RIT2: variants seen among roughly 807,000 people sequenced by gnomAD.
RIT2 encodes the protein Ras like without CAAX 2.
RIT2 carries 24 observed loss-of-function variants against 23.7 expected under a neutral mutation model. That is an observed-to-expected ratio of 1.01 (90% CI 0.73 to 1.43). RIT2 has a LOEUF of 1.43. Ranked by LOEUF, RIT2 falls within the 40% of genes most tolerant of loss-of-function variation. RIT2 has a pLI of 0.00. For synonymous variants in RIT2, 107 were observed against 91.1 expected, an observed-to-expected ratio of 1.17 and a Z score of -0.99; for missense variants, 236 against 266.9, an observed-to-expected ratio of 0.88 and a Z score of 0.81.
At chr18:42,915,941 T>C (rs1908898107) in intron 4 of RIT2, among the ~76,000 whole-genome samples, 1 of 151,908 alleles carries the variant, frequency 6.6e-6, no homozygotes, top group Non-Finnish European at 1.5e-5. Context: ...TATGTGTATA[T>C]ATATTTTTTT....
intron 1 of RIT2, among the ~76,000 whole-genome samples, chr18:43,088,675 A>G (rs557425031): frequency 2.0e-5 from 3 of 152,284 alleles, no homozygotes; most frequent in African/African-American, 7.2e-5. Context: ...TTTGATGAAC[A>G]TAGTGCATTT....
chr18:43,012,751 C>A (rs1911379956), intron 2 of RIT2, among the ~76,000 whole-genome samples: 1 of 151,142 alleles, frequency 6.6e-6, no homozygotes. Context: ...AAGTCTTGCA[C>A]ATATATTATC....
chr18:42,813,590 T>C (rs888592423), intron 4 of RIT2, among the ~76,000 whole-genome samples: 2 of 152,142 alleles, frequency 1.3e-5, no homozygotes, highest in Non-Finnish European at 2.9e-5. Context: ...TAGTCCCTCT[T>C]TAAAAAGATG....
In RIT2 at chr18:43,097,090, G is replaced by A. The variant is rs538496051; in HGVS notation, c.103+18327C>T. On this transcript the variant is annotated intron_variant, in intron 1 of 4. Coordinates refer to ENST00000326695, the MANE Select transcript of RIT2 (RefSeq NM_002930.4). ...CCTGAGCCCTTGCTATCATGAGAAA[G>A]AGAGAAAGCAGCATCATGTAGACTA... Among the ~76,000 whole-genome samples, 10 of 152,046 alleles carry A rather than the reference G, an allele frequency of 6.6e-5. No homozygotes were observed. In the South Asian group the frequency reaches 1.4e-3, roughly 22 times the overall value.
chr18:42,946,734 T>C (rs1909736236), intron 3 of RIT2, among the ~76,000 whole-genome samples: 1 of 151,934 alleles, frequency 6.6e-6, no homozygotes. Context: ...AATAATATCA[T>C]TTTTGCTACA....
In RIT2 at chr18:42,923,776, A is replaced by AAT. The variant is rs767463927; in HGVS notation, c.235-14_235-13insAT. On this transcript the variant is annotated splice_polypyrimidine_tract_variant and intron_variant, in intron 3 of 4. Coordinates refer to ENST00000326695, the MANE Select transcript of RIT2 (RefSeq NM_002930.4). Reference sequence around the variant, plus strand: ...CTGTGAATTCTGCCTGCAGGAAAAAAAAAAAAAAATTAGTTATGGGCTTTC... The same window carrying AAT: ...CTGTGAATTCTGCCTGCAGGAAAAAAATAAAAAAAAATTAGTTATGGGCTTTC... 1 of 1,581,570 alleles carries AAT rather than the reference A, an allele frequency of 6.3e-7. No homozygotes were observed. Among genetic ancestry groups the AAT allele is most frequent in the East Asian group, 2.2e-5 (1 of 44,616 alleles).
At chr18:43,098,983 C>T (rs1458811878) in intron 1 of RIT2, among the ~76,000 whole-genome samples, 1 of 151,958 alleles carries the variant, frequency 6.6e-6, no homozygotes, top group Non-Finnish European at 1.5e-5. Context: ...CCTAAGAAAA[C>T]CTCCATGCTG....
Position 42,746,763 on chromosome 18 carries a change from A to G in RIT2, c.427-3043T>C, listed in dbSNP as rs182853738. 4.6e-5 allele frequency among the ~76,000 whole-genome samples: 7 copies of G among 152,228 alleles called. No individual in the cohort carries two copies. In the East Asian group the frequency reaches 1.3e-3, roughly 29 times the overall value. On this transcript the variant is annotated intron_variant, in intron 4 of 4. Coordinates refer to ENST00000326695, the MANE Select transcript of RIT2 (RefSeq NM_002930.4). ...CCAGTATAACCCTAATACCAAATCC[A>G]GGAAAGGACATAACAAAAACAGAAT...
At chr18:43,043,678 T>A (rs1288745534) in intron 1 of RIT2, among the ~76,000 whole-genome samples, 1 of 152,054 alleles carries the variant, frequency 6.6e-6, no homozygotes, top group Non-Finnish European at 1.5e-5. Flanking sequence ...TAATCCCAGC[T>A]ACTCGGGAAG....
chr18:42,831,294 T>C (rs975466267), intron 4 of RIT2, among the ~76,000 whole-genome samples: 5 of 152,208 alleles, frequency 3.3e-5, no homozygotes, highest in Non-Finnish European at 7.4e-5. Context: ...CTCATAAAGA[T>C]AGTTTTATAT....
At chr18:42,854,949 A>G (rs984191728) in intron 4 of RIT2, among the ~76,000 whole-genome samples, 18 of 152,144 alleles carry the variant, frequency 1.2e-4, no homozygotes, top group African/African-American at 4.3e-4. Flanking sequence ...GATGCTAATA[A>G]CAGGCTATAA....
chr18:43,063,125 C>T (rs578041724), intron 1 of RIT2, among the ~76,000 whole-genome samples: 2 of 152,188 alleles, frequency 1.3e-5, no homozygotes, highest in African/African-American at 4.8e-5. Flanking sequence ...GGACTCATGC[C>T]TTTCTTTAAA....
At chr18:42,780,188 G>A (rs1913778750) in intron 4 of RIT2, among the ~76,000 whole-genome samples, 1 of 149,162 alleles carries the variant, frequency 6.7e-6, no homozygotes, top group South Asian at 2.1e-4. Flanking sequence ...AGAAGTTATA[G>A]TCAAAGACAT....
In RIT2 at chr18:42,832,873, C is replaced by T. The variant is rs534738551; in HGVS notation, c.427-89153G>A. Among the ~76,000 whole-genome samples, 21 of 151,554 alleles carry T rather than the reference C, an allele frequency of 1.4e-4. No individual in the cohort carries two copies. The South Asian group carries it at 2.7e-3, about 20-fold the overall frequency. ...TTCGAGACCAGCCTGGCCAACAAGG[C>T]GAAACCCCGTCTCTATTAAAAATAC... On this transcript the variant is annotated intron_variant, in intron 4 of 4. Coordinates refer to ENST00000326695, the MANE Select transcript of RIT2 (RefSeq NM_002930.4).
At chr18:42,817,815 T>A (rs531233083) in intron 4 of RIT2, among the ~76,000 whole-genome samples, 55 of 152,178 alleles carry the variant, frequency 3.6e-4, no homozygotes, top group African/African-American at 1.2e-3. Flanking sequence ...TTCAGAACTG[T>A]TGTTAAAATA....
At chr18:43,059,731 C>T (rs1598766018) in intron 1 of RIT2, among the ~76,000 whole-genome samples, 1 of 152,198 alleles carries the variant, frequency 6.6e-6, no homozygotes, top group East Asian at 1.9e-4. Flanking sequence ...TGAAATTTCT[C>T]CAGTTAAACT....
chr18:42,764,200 C>G (rs1386385677), intron 4 of RIT2, among the ~76,000 whole-genome samples: 7 of 152,200 alleles, frequency 4.6e-5, no homozygotes, highest in Non-Finnish European at 1.0e-4. Context: ...TTCTGCAAAG[C>G]AGCATCGTGA....
intron 1 of RIT2, among the ~76,000 whole-genome samples, chr18:43,083,393 T>A (rs755980598): frequency 6.6e-6 from 1 of 152,134 alleles, no homozygotes; most frequent in Non-Finnish European, 1.5e-5. Context: ...AACTTTCATA[T>A]GGAACCAAAA....
chr18:42,963,123 G>T (rs1454983357), intron 3 of RIT2, among the ~76,000 whole-genome samples: 1 of 152,094 alleles, frequency 6.6e-6, no homozygotes, highest in African/African-American at 2.4e-5. Flanking sequence ...CTAATGGAGA[G>T]GTTTGGTTCC....
Sources: allele counts gnomAD v4.1 joint callset (sites outside exome capture counted in the v4.1 genomes callset), GRCh38; gene constraint gnomAD v4.1.1; transcripts MANE v1.5; gene names NCBI Gene and HGNC (gene_info 2026-07-23, HGNC 2026-07-21).